The following SYN3 variants were observed in gnomAD, a reference collection of about 807,000 sequenced individuals.
SYN3 encodes synapsin III, also known as synapsin-3.
SYN3 carries 35 observed loss-of-function variants against 65.8 expected under a neutral mutation model. The ratio of observed to expected loss-of-function variants is 0.53; its 90% CI spans 0.41 to 0.70. SYN3 has a LOEUF of 0.70. Ranked by LOEUF, SYN3 falls within the 30% of genes least tolerant of loss-of-function variation. The pLI, the probability that SYN3 is intolerant of heterozygous loss-of-function variation, is 0.00. For synonymous variants in SYN3, 270 were observed against 292.9 expected (o/e 0.92, Z 0.80); for missense variants, 680 against 749.0 (o/e 0.91, Z 1.08).
chr22:33,046,494 C>T (rs1017933012), intron 1 of SYN3, among the ~76,000 whole-genome samples: 7 of 151,436 alleles, frequency 4.6e-5, no homozygotes, highest in South Asian at 2.1e-4. Context: ...CCGAGGCAGG[C>T]GGATCACAAG....
Position 32,869,184 on chromosome 22 carries a change from C to T in SYN3, c.462-59G>A, listed in dbSNP as rs746418913. 59 of 1,570,780 alleles carry T rather than the reference C, an allele frequency of 3.8e-5. 1 individual carries two copies. The highest frequency in any genetic ancestry group is 1.2e-4 in the South Asian group (10 of 86,754). On this transcript the variant is annotated intron_variant, in intron 4 of 13. Transcript: ENST00000358763. ...GACATTGATGAAACACCAGGGCATC[C>T]GGCCACAGCTTGCTGGGGATGATAG...
chr22:32,618,314 G>A (rs2059548712), intron 6 of SYN3, among the ~76,000 whole-genome samples: 2 of 152,112 alleles, frequency 1.3e-5, no homozygotes, highest in African/African-American at 4.8e-5. Context: ...TTAGGAAAAA[G>A]CAATTTCCTC....
intron 6 of SYN3, among the ~76,000 whole-genome samples, chr22:32,689,394 G>A (rs1245277217): frequency 2.0e-5 from 3 of 152,296 alleles, no homozygotes; most frequent in South Asian, 2.1e-4. Flanking sequence ...GTAAAACAGG[G>A]ACTCCCGTGT....
chr22:32,527,677 G>A (rs1247829411), intron 12 of SYN3: 3 of 419,576 alleles, frequency 7.2e-6, no homozygotes, highest in African/African-American at 6.2e-5. Context: ...AAAATAGGTG[G>A]GACATTCCCT....
intron 6 of SYN3, among the ~76,000 whole-genome samples, chr22:32,773,613 A>G (rs188992740): frequency 1.7e-3 from 254 of 152,258 alleles, no homozygotes; most frequent in African/African-American, 5.8e-3. Context: ...TGTCATGCAG[A>G]CTGAAGAAAA....
chr22:32,521,442 A>ATTTT (rs34710233), intron 12 of SYN3, among the ~76,000 whole-genome samples: 47 of 119,732 alleles, frequency 3.9e-4, no homozygotes, highest in African/African-American at 6.7e-4. Flanking sequence ...ACACCTCTTG[A>ATTTT]TTTTTTTTTT....
intron 6 of SYN3, among the ~76,000 whole-genome samples, chr22:32,864,202 C>G (rs2048625449): frequency 6.6e-6 from 1 of 152,206 alleles, no homozygotes; most frequent in South Asian, 2.1e-4. Context: ...CAAGGCCAAG[C>G]GCAGGGTCAC....
chr22:32,917,479 G>A (rs1364212958), intron 4 of SYN3, among the ~76,000 whole-genome samples: 1 of 152,168 alleles, frequency 6.6e-6, no homozygotes, highest in Admixed American at 6.5e-5. Flanking sequence ...GCTTCTGAAT[G>A]AGAAGACGCC....
chr22:32,743,058 A>G (rs760962556), intron 6 of SYN3, among the ~76,000 whole-genome samples: 7 of 152,262 alleles, frequency 4.6e-5, no homozygotes, highest in Non-Finnish European at 7.3e-5. Flanking sequence ...CAAATCAATG[A>G]AAACCTTGAA....
intron 6 of SYN3, among the ~76,000 whole-genome samples, chr22:32,628,557 C>T (rs904280603): frequency 6.6e-6 from 1 of 152,120 alleles, no homozygotes; most frequent in Admixed American, 6.5e-5. Context: ...CACAATTCCT[C>T]TGACAATAAA....
chr22:32,909,892 A>G lies in SYN3; in HGVS notation c.461+21498T>C, dbSNP rs532761258. Among the ~76,000 whole-genome samples, 22 of 152,250 alleles carry G rather than the reference A, an allele frequency of 1.4e-4. No individual in the cohort carries two copies. The East Asian group carries it at 3.9e-3, about 27-fold the overall frequency. ...CCTGGGACTGGGGGCACCTGTCAGC[A>G]TTTGCATGAAGAGTGTACCCTAGTC... is the stretch of plus-strand genomic sequence containing the variant. On this transcript the variant is annotated intron_variant, in intron 4 of 13. Coordinates refer to ENST00000358763, the MANE Select transcript of SYN3 (RefSeq NM_003490.4).
Position 32,623,657 on chromosome 22 carries a change from C to T in SYN3, c.712-26921G>A, listed in dbSNP as rs1013477051. On this transcript the variant is annotated intron_variant, in intron 6 of 13. Transcript: ENST00000358763. ...GTGCCACTTCCCACTCCATTCCTCT[C>T]CTTGCCATTCATTCAGCCAATATTT... 5.8e-4 allele frequency among the ~76,000 whole-genome samples: 88 copies of T among 152,364 alleles called. 1 individual carries two copies. Among genetic ancestry groups the T allele is most frequent in the African/African-American group, 2.0e-3 (84 of 41,596 alleles).
rs765091643 is a variant in SYN3, at chr22:32,814,243, A to AAGAC, written c.711+50671_711+50672insGTCT. On this transcript the variant is annotated intron_variant, in intron 6 of 13. Transcript: ENST00000358763. ...GGAAAGAAAGAAAAAAAAAGAAAGA[A>AAGAC]AGAAGGAAAGAAAGAAAGAGGGAGG... 6.0e-3 allele frequency among the ~76,000 whole-genome samples: 829 copies of AAGAC among 138,668 alleles called. 13 individuals carry two copies. Among genetic ancestry groups the AAGAC allele is most frequent in the African/African-American group, 0.02 (723 of 36,640 alleles). The allele number at this position is 138,668 out of a possible 152,430, so 91.0% of individuals were successfully genotyped here.
At chr22:32,813,486 TACAC>T (rs130277) in intron 6 of SYN3, among the ~76,000 whole-genome samples, 42,285 of 137,816 alleles carry the variant, frequency 0.31, 6,337 homozygotes, top group Middle Eastern at 0.35. Context: ...TCTGAAAAGA[TACAC>T]ACACACACAC....
intron 6 of SYN3, among the ~76,000 whole-genome samples, chr22:32,707,446 T>G (rs190076737): frequency 1.6e-4 from 25 of 152,322 alleles, no homozygotes; most frequent in Admixed American, 2.6e-4. Flanking sequence ...AAATGCTCTT[T>G]GCTTGGATAC....
chr22:32,692,980 A>G (rs2060686486), intron 6 of SYN3, among the ~76,000 whole-genome samples: 3 of 152,178 alleles, frequency 2.0e-5, no homozygotes, highest in Non-Finnish European at 2.9e-5. Flanking sequence ...ATAAGCATAC[A>G]TAAGGACGGC....
At chr22:32,977,001 G>GGC (rs1556048116) in intron 3 of SYN3, among the ~76,000 whole-genome samples, 6 of 152,036 alleles carry the variant, frequency 3.9e-5, no homozygotes, top group Middle Eastern at 3.4e-3. Flanking sequence ...TCCTGGGGGG[G>GGC]GGGTTGCTTG....
chr22:32,708,942 G>T (rs1022823888), intron 6 of SYN3, among the ~76,000 whole-genome samples: 3 of 152,228 alleles, frequency 2.0e-5, no homozygotes, highest in Non-Finnish European at 4.4e-5. Flanking sequence ...TGCTTTGGGG[G>T]CTGTGCACGG....
At chr22:32,569,567 CTCTCTATATATATATA>C (rs1356967720) in intron 7 of SYN3, among the ~76,000 whole-genome samples, 2 of 64,452 alleles carry the variant, frequency 3.1e-5, no homozygotes, top group African/African-American at 1.0e-4. Flanking sequence ...CTCTCTCTCT[CTCTCTATATATATATA>C]TATATAAAAT....
Sources: gnomAD v4.1 joint callset for allele counts (sites outside exome capture counted in the v4.1 genomes callset) on GRCh38, gnomAD v4.1.1 for gene constraint, MANE v1.5 for transcripts, NCBI Gene and HGNC (gene_info 2026-07-23, HGNC 2026-07-21) for gene names.